Variants in CAPN2 observed in about 807,000 individuals in gnomAD.
The protein encoded by CAPN2 is calpain 2.
Under a neutral mutation model 102.3 loss-of-function variants are expected in CAPN2, and 92 were observed. The ratio of observed to expected loss-of-function variants is 0.90; its 90% CI spans 0.76 to 1.07. CAPN2 has a LOEUF of 1.07. Among genes scored for constraint, CAPN2 ranks in the 50% least tolerant of loss-of-function variants. The pLI is 0.00. For synonymous variants in CAPN2, 340 were observed against 355.4 expected (o/e 0.96, Z 0.49); for missense variants, 800 against 909.4 (o/e 0.88, Z 1.55).
Position 223,759,982 on chromosome 1 carries a change from G to A in CAPN2, c.1529+501G>A, listed in dbSNP as rs3820473. 8.5e-5 allele frequency among the ~76,000 whole-genome samples: 13 copies of A among 152,212 alleles called. No individual in the cohort carries two copies. In the South Asian group the frequency reaches 1.9e-3, roughly 22 times the overall value. On this transcript the variant is annotated intron_variant, in intron 12 of 20. Coordinates refer to ENST00000295006, the MANE Select transcript of CAPN2 (RefSeq NM_001748.5). This position sits in a 1 kb window ranked among gnomAD's most constrained non-coding sequence, Gnocchi z 4.6. ...TCTCCCCTTCCTCATGGGATCCCAC[G>A]TTTGGGAACCCTTTGTGGCTGACAT...
intron 2 of CAPN2, among the ~76,000 whole-genome samples, chr1:223,733,907 G>A (rs151248409): frequency 1.0e-3 from 154 of 152,356 alleles, no homozygotes; most frequent in African/African-American, 3.5e-3. Context: ...AGGCACAAAC[G>A]TGGTAAACGT....
Position 223,725,976 on chromosome 1 carries a change from C to T in CAPN2, c.307+8145C>T, listed in dbSNP as rs543655458. Among the ~76,000 whole-genome samples, 41 of 152,264 alleles carry T rather than the reference C, an allele frequency of 2.7e-4. No individual in the cohort carries two copies. The South Asian group carries it at 7.9e-3, about 29-fold the overall frequency. ...GTGACAGAAAGGTGCCACTGGAACC[C>T]AGGGCCTCGTGGGTTTCCTCCGTCT... On this transcript the variant is annotated intron_variant, in intron 2 of 20. Coordinates refer to ENST00000295006, the MANE Select transcript of CAPN2 (RefSeq NM_001748.5). This position sits in a 1 kb window ranked among gnomAD's most constrained non-coding sequence, Gnocchi z 4.1.
At position 223,726,101 on chromosome 1, in the gene CAPN2, A is replaced by G. The variant is rs1343658554; in HGVS notation, c.307+8270A>G. Among the ~76,000 whole-genome samples the G allele has an allele frequency of 4.6e-3, 1 of 216 alleles. No individual in the cohort carries two copies. The highest frequency in any genetic ancestry group is 9.4e-3 in the Non-Finnish European group (1 of 106). 0.1% of individuals were successfully genotyped at this position (216 alleles called of 152,430 possible). A position where few individuals can be genotyped will look rare whatever the true frequency, so the allele number is the denominator to read the frequency against. On this transcript the variant is annotated intron_variant, in intron 2 of 20. Transcript: ENST00000295006. This position sits in a 1 kb window ranked among gnomAD's most constrained non-coding sequence, Gnocchi z 4.4. The stretch of plus-strand genomic sequence containing the variant: ...CTCCTGTATTTTGCTACCCCAGCCC[A>G]AGCAAGACTAGTAGTTCAGCTTTGT...
At chr1:223,769,437 A>G (rs1239850894) in intron 16 of CAPN2, among the ~76,000 whole-genome samples, 2 of 152,012 alleles carry the variant, frequency 1.3e-5, no homozygotes, top group Non-Finnish European at 2.9e-5. Context: ...GTGAAGTTTT[A>G]TCTAGTGGAT....
At chr1:223,765,586 A>T (rs1661291819) in intron 15 of CAPN2, among the ~76,000 whole-genome samples, 1 of 152,194 alleles carries the variant, frequency 6.6e-6, no homozygotes, top group Non-Finnish European at 1.5e-5. Flanking sequence ...GGGGAGCAGC[A>T]TTCGCTCCGC....
At position 223,756,093 on chromosome 1, in the gene CAPN2, A is replaced by G. The variant is rs1455133730; in HGVS notation, c.1305+444A>G. On this transcript the variant is annotated intron_variant, in intron 10 of 20. Coordinates refer to ENST00000295006, the MANE Select transcript of CAPN2 (RefSeq NM_001748.5). This position sits in a 1 kb window ranked among gnomAD's most constrained non-coding sequence, Gnocchi z 4.1. ...ATGGTGGAGAGCTTGGGGACAGGGG[A>G]ACATTGGTCATGATGCTCCCCCCAG... Among the ~76,000 whole-genome samples, 2 of 152,208 alleles carry G rather than the reference A, an allele frequency of 1.3e-5. No individual in the cohort carries two copies. Among genetic ancestry groups the G allele is most frequent in the East Asian group, 3.9e-4 (2 of 5,176 alleles).
rs1376507322 is a variant in CAPN2, at chr1:223,750,840, C to A, written c.814-50C>A. On this transcript the variant is annotated intron_variant, in intron 6 of 20. Transcript: ENST00000295006. The stretch of plus-strand genomic sequence containing the variant: ...GGGTTGGAGGCCCAAGCCTTCATAG[C>A]CCTGACTTGAACTCAACCTCTTACT... 6.6e-6 allele frequency: 10 copies of A among 1,517,708 alleles called. No homozygotes were observed. In the Admixed American group the frequency reaches 9.8e-5, roughly 15 times the overall value. 94.0% of individuals were successfully genotyped at this position (1,517,708 alleles called of 1,614,324 possible).
intron 7 of CAPN2, among the ~76,000 whole-genome samples, chr1:223,751,569 G>A (rs983546700): frequency 2.7e-5 from 4 of 150,624 alleles, no homozygotes; most frequent in Admixed American, 2.0e-4. Flanking sequence ...TACAGGGCCA[G>A]GTCCTTCTGC....
chr1:223,739,525 G>GT (rs1223734391), intron 2 of CAPN2, among the ~76,000 whole-genome samples: 1 of 152,104 alleles, frequency 6.6e-6, no homozygotes, highest in Non-Finnish European at 1.5e-5. Context: ...CTAAGAGCTT[G>GT]TAACAACTGA....
At chr1:223,764,284 C>T in intron 15 of CAPN2, 77 bp downstream of exon 15, 1 of 1,281,568 alleles carries the variant, frequency 7.8e-7, no homozygotes, top group Non-Finnish European at 1.1e-6. Flanking sequence ...ATCTTTCCCC[C>T]TCCATGTCTG....
At chr1:223,761,520 A>G in intron 12 of CAPN2, 61 bp from the exon 13 acceptor site, 3 of 1,434,962 alleles carry the variant, frequency 2.1e-6, no homozygotes, top group South Asian at 1.2e-5. Flanking sequence ...TTTAGCAGTG[A>G]TTTCCTTCCT....
rs554301728 is a variant in CAPN2 at position 223,752,956 on chromosome 1, A to G, written c.1135A>G (p.Asn379Asp). 1 of 1,613,908 alleles carries G rather than the reference A, an allele frequency of 6.2e-7. No individual in the cohort carries two copies. The highest frequency in any genetic ancestry group is 1.3e-5 in the African/African-American group (1 of 74,990). ...CGCGGGAGGTTGCAGGAACTACCCG[A>G]GTAAGGGCTGTTGCATATAAGGGCT... ...STAGGCRNYPNTFWMNPQYLI... is the reference protein window; with the variant it reads ...STAGGCRNYPDTFWMNPQYLI... Residue 379 changes from asparagine to aspartate, a missense_variant and splice_region_variant, in exon 9 of 21, where the codon AAC becomes GAC. By Grantham distance (23) the Asn-to-Asp change is conservative. Coordinates refer to ENST00000295006, the MANE Select transcript of CAPN2 (RefSeq NM_001748.5).
chr1:223,719,176 C>T (rs556385478), intron 2 of CAPN2, among the ~76,000 whole-genome samples: 1 of 152,280 alleles, frequency 6.6e-6, no homozygotes, highest in African/African-American at 2.4e-5. Context: ...GGCGGATCCT[C>T]CAGGAAAATC....
At chr1:223,717,944 A>G in intron 2 of CAPN2, 113 bp downstream of exon 2, 2 of 770,348 alleles carry the variant, frequency 2.6e-6, no homozygotes, top group South Asian at 3.1e-5. Context: ...GGCAATTTCT[A>G]TTTGCAGAGA....
intron 16 of CAPN2, among the ~76,000 whole-genome samples, chr1:223,768,600 T>A (rs1181271400): frequency 2.0e-5 from 3 of 151,828 alleles, no homozygotes; most frequent in Non-Finnish European, 4.4e-5. Flanking sequence ...CCTTGTAGTA[T>A]AGTTTGAAGT....
rs1468228880 is a variant in CAPN2, at chr1:223,769,861, G to C, written c.1776G>C (p.Leu592=). The change falls in exon 17 of 21, where the codon CTG becomes CTC. Residue 592 remains leucine, a synonymous_variant. Transcript: ENST00000295006. ...DMLDSDGSGK[L]GLKEFYILWT... ...GGCAGTCGGACGGGAGTGGCAAGCTGGGGCTGAAGGAGTTCTACATTCTCT... is the reference window on the plus strand; with the variant it reads ...GGCAGTCGGACGGGAGTGGCAAGCTCGGGCTGAAGGAGTTCTACATTCTCT... The C allele has an allele frequency of 1.2e-6, 2 of 1,608,998 alleles. No homozygotes were observed. The highest frequency in any genetic ancestry group is 2.7e-5 in the African/African-American group (2 of 74,832).
In CAPN2 at chr1:223,747,210, C is replaced by T. The variant is rs1165231911; in HGVS notation, c.729+45C>T. 4 of 1,544,814 alleles carry T rather than the reference C, an allele frequency of 2.6e-6. No homozygotes were observed. The Admixed American group carries it at 7.2e-5, about 28-fold the overall frequency. ...CCTAGCCTCACCCCATCTGCTCTTG[C>T]TGAAGGGAGGCTCCCACAGTGCCCA... On this transcript the variant is annotated intron_variant, in intron 5 of 20. Transcript: ENST00000295006.
intron 1 of CAPN2, among the ~76,000 whole-genome samples, chr1:223,715,986 G>A (rs1439152715): frequency 2.0e-5 from 3 of 152,294 alleles, no homozygotes; most frequent in Admixed American, 1.3e-4. Context: ...TTTTGCAGGT[G>A]AAAAAACTGA....
intron 1 of CAPN2, among the ~76,000 whole-genome samples, chr1:223,706,187 G>C (rs932902380): frequency 2.0e-5 from 3 of 152,084 alleles, no homozygotes; most frequent in African/African-American, 7.2e-5. Flanking sequence ...TTTCTTTCCG[G>C]AGTTTCCCTC....
Sources: gnomAD v4.1 joint callset for allele counts (sites outside exome capture counted in the v4.1 genomes callset) on GRCh38, gnomAD v4.1.1 for gene constraint, Gnocchi (gnomAD v3.1) non-coding constraint, MANE v1.5 for transcripts, NCBI Gene and HGNC (gene_info 2026-07-23, HGNC 2026-07-21) for gene names.